Variants in RBFOX1 observed in about 807,000 individuals in gnomAD.
The protein encoded by RBFOX1 is RNA binding fox-1 homolog 1, also known as RNA binding protein fox-1 homolog 1.
Under a neutral mutation model 57.7 loss-of-function variants are expected in RBFOX1, and 8 were observed. That is an observed-to-expected ratio of 0.14 (90% CI 0.08 to 0.25). The LOEUF is 0.25. RBFOX1 is among the 10% of genes least tolerant of loss of function. RBFOX1 has a pLI of 1.00. For synonymous variants in RBFOX1, 326 were observed against 222.4 expected (o/e 1.47, Z -4.15); for missense variants, 611 against 548.5 (o/e 1.11, Z -1.14).
rs1455155597 is a variant in RBFOX1, at chr16:5,811,068, A to G, written c.319-56235A>G. On this transcript the variant is annotated intron_variant, in intron 3 of 19. Transcript: ENST00000641259. Reference sequence around the variant, plus strand: ...CTGCTCCCATCCTCCTCAGACAACCACTGATCTGCTTTCTAAATCCGTACA... The same window carrying G: ...CTGCTCCCATCCTCCTCAGACAACCGCTGATCTGCTTTCTAAATCCGTACA... 3.3e-5 allele frequency among the ~76,000 whole-genome samples: 5 copies of G among 149,758 alleles called. No individual in the cohort carries two copies. In the East Asian group the frequency reaches 9.8e-4, roughly 29 times the overall value.
chr16:6,984,959 C>T (rs572781377), intron 3 of RBFOX1, among the ~76,000 whole-genome samples: 48 of 152,068 alleles, frequency 3.2e-4, no homozygotes, highest in East Asian at 3.9e-4. Context: ...ACTTACAAAT[C>T]TACTGTAAGG....
At chr16:7,710,407 G>T in intron 15 of RBFOX1, 1 of 1,392,086 alleles carries the variant, frequency 7.2e-7, no homozygotes, top group Admixed American at 3.5e-5. Flanking sequence ...CTGGCTGACA[G>T]AATTTGGTTT....
At chr16:6,687,718 G>T (rs184797318) in intron 3 of RBFOX1, among the ~76,000 whole-genome samples, 3 of 152,136 alleles carry the variant, frequency 2.0e-5, no homozygotes, top group Non-Finnish European at 4.4e-5. Context: ...AGCGGCCGGG[G>T]AGGACAGAGG....
At chr16:7,076,366 A>G (rs897869154) in intron 4 of RBFOX1, among the ~76,000 whole-genome samples, 2 of 152,118 alleles carry the variant, frequency 1.3e-5, no homozygotes, top group Admixed American at 6.6e-5. Context: ...AGTAGAAATG[A>G]AATCATTTAT....
At chr16:6,964,508 G>A (rs912153430) in intron 3 of RBFOX1, among the ~76,000 whole-genome samples, 47 of 152,138 alleles carry the variant, frequency 3.1e-4, no homozygotes, top group Non-Finnish European at 5.6e-4. Flanking sequence ...TTGCACCTCT[G>A]GTAGGGGGTT....
At chr16:7,314,636 A>G (rs1179329859) in intron 4 of RBFOX1, among the ~76,000 whole-genome samples, 1 of 152,120 alleles carries the variant, frequency 6.6e-6, no homozygotes, top group Non-Finnish European at 1.5e-5. Flanking sequence ...TTTATGCTTT[A>G]TGGTGTTGTC....
chr16:6,875,364 C>G (rs1029237228), intron 3 of RBFOX1, among the ~76,000 whole-genome samples: 14 of 152,102 alleles, frequency 9.2e-5, no homozygotes, highest in Middle Eastern at 3.2e-3. Context: ...TTTGACCTCT[C>G]CTGTCCAATA....
At chr16:5,728,818 C>T (rs2052251021) in intron 3 of RBFOX1, among the ~76,000 whole-genome samples, 1 of 152,184 alleles carries the variant, frequency 6.6e-6, no homozygotes, top group Non-Finnish European at 1.5e-5. Context: ...CTTCCCTCCC[C>T]ACCTCCAGCA....
At chr16:6,936,670 C>A (rs561249778) in intron 3 of RBFOX1, among the ~76,000 whole-genome samples, 7 of 151,988 alleles carry the variant, frequency 4.6e-5, no homozygotes, top group Admixed American at 4.6e-4. Flanking sequence ...TTCACAGATA[C>A]AAAACTAAGG....
chr16:7,320,359 C>T (rs1330201271), intron 4 of RBFOX1, among the ~76,000 whole-genome samples: 1 of 152,108 alleles, frequency 6.6e-6, no homozygotes, highest in African/African-American at 2.4e-5. Context: ...TTAGTTTACT[C>T]AGGTTAATGG....
chr16:5,422,745 T>G (rs1327267597), intron 1 of RBFOX1, among the ~76,000 whole-genome samples: 183 of 47,184 alleles, frequency 3.9e-3, no homozygotes, highest in Admixed American at 5.7e-3. Flanking sequence ...GGGAAAGGGA[T>G]GGGGAGGAAA....
chr16:7,073,641 C>G (rs916056582), intron 4 of RBFOX1, among the ~76,000 whole-genome samples: 2 of 151,966 alleles, frequency 1.3e-5, no homozygotes, highest in African/African-American at 4.8e-5. Context: ...CCCAAGACTT[C>G]AAGACCGGCC....
At chr16:7,175,268 C>T (rs1428742203) in intron 4 of RBFOX1, among the ~76,000 whole-genome samples, 2 of 152,050 alleles carry the variant, frequency 1.3e-5, no homozygotes, top group East Asian at 3.9e-4. Flanking sequence ...TTTCATTTTT[C>T]AGCTCCCACT....
Position 5,284,756 on chromosome 16 carries a change from A to ATT in RBFOX1, c.219+44676_219+44677dup, listed in dbSNP as rs1166998032. ...GCTGGGTATAGTAGTTTTGGCTTAG[A>ATT]TTTTTTTTTTTTTTTTTTTTTTTTT... On this transcript the variant is annotated intron_variant, in intron 1 of 2. Coordinates refer to the RBFOX1 transcript ENST00000585867. Among the ~76,000 whole-genome samples the ATT allele has an allele frequency of 5.6e-3, 340 of 61,042 alleles. 14 individuals carry two copies. The highest frequency in any genetic ancestry group is 0.011 in the African/African-American group (187 of 16,280). 40.0% of individuals were successfully genotyped at this position (61,042 alleles called of 152,430 possible).
rs544805278 is a variant in RBFOX1, at chr16:6,894,155, T to C, written c.-15-157902T>C. 4.6e-5 allele frequency among the ~76,000 whole-genome samples: 7 copies of C among 152,362 alleles called. No individual in the cohort carries two copies. The East Asian group carries it at 1.2e-3, about 25-fold the overall frequency. On this transcript the variant is annotated intron_variant, in intron 3 of 15. Coordinates refer to ENST00000550418, the MANE Select transcript of RBFOX1 (RefSeq NM_018723.4). ...CAGAGATAGAATGATCTATAATTGC[T>C]ACCTATCTCTTGTCTGTCTGTCTGT...
chr16:5,817,687 C>A (rs11648254), intron 3 of RBFOX1, among the ~76,000 whole-genome samples: 1 of 150,040 alleles, frequency 6.7e-6, no homozygotes, highest in African/African-American at 2.5e-5. Context: ...AGTGATGGGT[C>A]TTGTGGGCTG....
intron 4 of RBFOX1, among the ~76,000 whole-genome samples, chr16:7,440,828 C>A (rs187239187): frequency 7.0e-4 from 107 of 152,290 alleles, no homozygotes; most frequent in Admixed American, 6.3e-3. Context: ...AAGGGGGCTA[C>A]AAGGAATTTT....
intron 3 of RBFOX1, among the ~76,000 whole-genome samples, chr16:5,828,516 G>A (rs780253230): frequency 3.9e-5 from 6 of 152,096 alleles, no homozygotes; most frequent in Non-Finnish European, 2.9e-5. Flanking sequence ...TGACCAACAT[G>A]GTGAAACCCC....
chr16:6,685,825 A>C lies in RBFOX1; in HGVS notation c.-16+31175A>C, dbSNP rs187374958. ...CACTCAATGTTGTTTTCATTATGTC[A>C]TGAAAGTGTTTCCTACAATAATAAA... On this transcript the variant is annotated intron_variant, in intron 3 of 15. Transcript: ENST00000550418. 3.3e-5 allele frequency among the ~76,000 whole-genome samples: 5 copies of C among 152,218 alleles called. No individual in the cohort carries two copies. The East Asian group carries it at 7.7e-4, about 24-fold the overall frequency.
Sources: gnomAD v4.1 joint callset for allele counts (sites outside exome capture counted in the v4.1 genomes callset) on GRCh38, gnomAD v4.1.1 for gene constraint, MANE v1.5 for transcripts, NCBI Gene and HGNC (gene_info 2026-07-23, HGNC 2026-07-21) for gene names.